WDHD1: variants seen among roughly 807,000 people sequenced by gnomAD.
The protein encoded by WDHD1 is WD repeat and HMG-box DNA binding protein 1, also known as WD repeat and HMG-box DNA-binding protein 1.
In WDHD1, 111 loss-of-function variants were observed where a neutral mutation model predicts 135.4. The ratio of observed to expected loss-of-function variants is 0.82; its 90% CI spans 0.70 to 0.96. WDHD1 has a LOEUF of 0.96. Ranked by LOEUF, WDHD1 falls within the 40% of genes least tolerant of loss-of-function variation. WDHD1 has a pLI of 0.00. For missense variants in WDHD1, 1,351 were observed against 1,336.3 expected (o/e 1.01, Z -0.17); for synonymous variants, 434 against 439.0 (o/e 0.99, Z 0.14).
chr14:55,016,667 T>C (rs894361246), intron 2 of WDHD1, among the ~76,000 whole-genome samples: 2 of 152,224 alleles, frequency 1.3e-5, no homozygotes, highest in Non-Finnish European at 2.9e-5. Context: ...GCAATTGAAA[T>C]GTGGCTAATG....
chr14:55,013,888 C>G (rs1375936020), intron 2 of WDHD1, among the ~76,000 whole-genome samples: 7 of 151,632 alleles, frequency 4.6e-5, no homozygotes, highest in Admixed American at 1.3e-4. Context: ...GCCTGGGCAA[C>G]AGAGCAAGAC....
rs71410642 is a variant in WDHD1, at chr14:54,972,553, C to CAAAAAAAAAAAAAAAAAAAAAAAAAAA, written c.2064-5186_2064-5160dup. Among the ~76,000 whole-genome samples the CAAAAAAAAAAAAAAAAAAAAAAAAAAA allele has an allele frequency of 4.3e-4, 11 of 25,500 alleles. 2 individuals are homozygous for CAAAAAAAAAAAAAAAAAAAAAAAAAAA. The highest frequency in any genetic ancestry group is 5.9e-4 in the Non-Finnish European group (9 of 15,220). The allele number at this position is 25,500 out of a possible 152,430, so 16.7% of individuals were successfully genotyped here. On this transcript the variant is annotated intron_variant, in intron 16 of 25. Coordinates refer to ENST00000360586, the MANE Select transcript of WDHD1 (RefSeq NM_007086.4). ...CCTGGGCAATAAAGCAAGACTGTCA[C>CAAAAAAAAAAAAAAAAAAAAAAAAAAA]AAAAAAAAAAAAAAAAAAAAAAAAA...
chr14:54,992,806 C>T (rs1011970026), intron 11 of WDHD1, among the ~76,000 whole-genome samples: 2 of 151,862 alleles, frequency 1.3e-5, no homozygotes, highest in East Asian at 1.9e-4. Context: ...CCTAGCTACC[C>T]GGAAGGCTGA....
chr14:54,962,884 G>A, intron 19 of WDHD1, 31 bp from the exon 20 acceptor site: 1 of 1,610,318 alleles, frequency 6.2e-7, no homozygotes, highest in Non-Finnish European at 8.5e-7. Context: ...TCAATAAAGA[G>A]CTATGCAAAG....
Position 54,968,058 on chromosome 14 carries a change from T to C in WDHD1, c.2064-664A>G, listed in dbSNP as rs150513970. On this transcript the variant is annotated intron_variant, in intron 16 of 25. Coordinates refer to ENST00000360586, the MANE Select transcript of WDHD1 (RefSeq NM_007086.4). ...CATGGAATCCATGTTATCACCAAGATAAATGCTGATGAAGCTGCACATGGA... is the reference window on the plus strand; with the variant it reads ...CATGGAATCCATGTTATCACCAAGACAAATGCTGATGAAGCTGCACATGGA... Among the ~76,000 whole-genome samples, 1,230 of 152,312 alleles carry C rather than the reference T, an allele frequency of 8.1e-3. 16 individuals are homozygous for C. Among genetic ancestry groups the C allele is most frequent in the African/African-American group, 0.028 (1,179 of 41,564 alleles).
intron 7 of WDHD1, chr14:55,004,706 GCC>G: frequency 2.8e-6 from 1 of 352,032 alleles, no homozygotes. Flanking sequence ...ACCTGTCTCA[GCC>G]TCCCAAAGTG....
At chr14:54,945,863 C>T (rs1021249137) in intron 24 of WDHD1, among the ~76,000 whole-genome samples, 3 of 152,082 alleles carry the variant, frequency 2.0e-5, no homozygotes, top group Non-Finnish European at 4.4e-5. Flanking sequence ...TTTAACCCAG[C>T]AGCTATACGC....
chr14:54,941,434 A>G lies in WDHD1; in HGVS notation c.*56T>C. ...ATGAGTTTCCCAAAGACTCGAGTCTATATTCAAAGATGAGTAAAAAAAAAT... is the reference window on the plus strand; with the variant it reads ...ATGAGTTTCCCAAAGACTCGAGTCTGTATTCAAAGATGAGTAAAAAAAAAT... On this transcript the variant is annotated 3_prime_UTR_variant, in exon 26 of 26. Coordinates refer to ENST00000360586, the MANE Select transcript of WDHD1 (RefSeq NM_007086.4). 1 of 1,439,970 alleles carries G rather than the reference A, an allele frequency of 6.9e-7. No individual in the cohort carries two copies. Among genetic ancestry groups the G allele is most frequent in the Non-Finnish European group, 9.5e-7 (1 of 1,057,924 alleles). 89.2% of individuals were successfully genotyped at this position (1,439,970 alleles called of 1,614,324 possible).
At chr14:55,005,125 A>G (rs990358869) in intron 7 of WDHD1, 1 of 534,576 alleles carries the variant, frequency 1.9e-6, no homozygotes, top group Non-Finnish European at 3.7e-6. Context: ...TCCCACAGGA[A>G]ATGGTGCCAC....
chr14:54,999,230 G>A (rs1473752773), intron 10 of WDHD1, among the ~76,000 whole-genome samples: 1 of 152,154 alleles, frequency 6.6e-6, no homozygotes, highest in Non-Finnish European at 1.5e-5. Context: ...TTTCAGTACA[G>A]TATTTCCCCC....
chr14:54,983,159 G>A (rs1396281030), intron 15 of WDHD1, among the ~76,000 whole-genome samples: 2 of 151,610 alleles, frequency 1.3e-5, no homozygotes, highest in African/African-American at 2.4e-5. Flanking sequence ...GTGAGACTCT[G>A]CGTCAAAAAA....
At chr14:55,024,018 A>G (rs963269082) in intron 2 of WDHD1, among the ~76,000 whole-genome samples, 3 of 152,198 alleles carry the variant, frequency 2.0e-5, no homozygotes, top group African/African-American at 7.2e-5. Flanking sequence ...CTCATGACAT[A>G]CTTTTTCTTA....
chr14:54,946,485 T>A (rs114011474), intron 24 of WDHD1, among the ~76,000 whole-genome samples: 43 of 152,350 alleles, frequency 2.8e-4, no homozygotes, highest in African/African-American at 1.0e-3. Flanking sequence ...ATTATCAATC[T>A]TCTTTGTTGT....
At chr14:55,013,193 T>TAAAAAAAAAAAAAAA (rs2042200035) in intron 3 of WDHD1, among the ~76,000 whole-genome samples, 1 of 39,096 alleles carries the variant, frequency 2.6e-5, no homozygotes, top group Non-Finnish European at 4.5e-5. Flanking sequence ...AGATCCCGTT[T>TAAAAAAAAAAAAAAA]CAAAAAAAAA....
chr14:54,954,695 T>C (rs2041122693), intron 24 of WDHD1, among the ~76,000 whole-genome samples: 1 of 152,242 alleles, frequency 6.6e-6, no homozygotes, highest in South Asian at 2.1e-4. Flanking sequence ...TTACTTTTTC[T>C]GATAGCCTTG....
chr14:54,944,019 C>T (rs1232860031), intron 25 of WDHD1, among the ~76,000 whole-genome samples: 3 of 152,054 alleles, frequency 2.0e-5, no homozygotes, highest in Non-Finnish European at 2.9e-5. Flanking sequence ...ACCATATATC[C>T]GCACTTACTT....
intron 2 of WDHD1, among the ~76,000 whole-genome samples, chr14:55,015,051 A>G (rs2042236904): frequency 6.6e-6 from 1 of 152,194 alleles, no homozygotes; most frequent in South Asian, 2.1e-4. Context: ...TCCCTTCTAT[A>G]GAGAGTAGAT....
rs774278032 is a variant in WDHD1, at chr14:54,987,133, G to A, written c.1768+13C>T. The A allele has an allele frequency of 6.2e-7, 1 of 1,610,750 alleles. No individual in the cohort carries two copies. Among genetic ancestry groups the A allele is most frequent in the South Asian group, 1.1e-5 (1 of 90,212 alleles). ...ATTTTACTTCAAGTCATAAAAGACT[G>A]AAAAAAATCTACCTCTGTGATAAAC... On this transcript the variant is annotated intron_variant, in intron 14 of 25. Coordinates refer to ENST00000360586, the MANE Select transcript of WDHD1 (RefSeq NM_007086.4).
In WDHD1 at chr14:54,967,394, C is replaced by T; in HGVS notation, c.2064G>A (p.Arg688=). 10 of 1,590,106 alleles carry T rather than the reference C, an allele frequency of 6.3e-6. No homozygotes were observed. Among genetic ancestry groups the T allele is most frequent in the Non-Finnish European group, 8.5e-6 (10 of 1,171,408 alleles). ...VGIHENPQQL[R]CIPCKGSRFP... ...ACCGAGAACCTTTACAAGGAATGCACCTGTTAGTAAAGAAAAGTTCCATCA... is the reference window on the plus strand; with the variant it reads ...ACCGAGAACCTTTACAAGGAATGCATCTGTTAGTAAAGAAAAGTTCCATCA... Residue 688 remains arginine (R), a splice_region_variant and synonymous_variant, in exon 17 of 26, where the codon AGG becomes AGA. Transcript: ENST00000360586.
Sources: gnomAD v4.1 joint callset for allele counts (sites outside exome capture counted in the v4.1 genomes callset) on GRCh38, gnomAD v4.1.1 for gene constraint, MANE v1.5 for transcripts, NCBI Gene and HGNC (gene_info 2026-07-23, HGNC 2026-07-21) for gene names.